Variants in SMYD3 observed in about 807,000 individuals in gnomAD.
SMYD3 encodes the protein histone-lysine N-methyltransferase SMYD3.
SMYD3 carries 36 observed loss-of-function variants against 57.7 expected under a neutral mutation model. That is an observed-to-expected ratio of 0.62 (90% confidence interval 0.48 to 0.82). The LOEUF is 0.82. Ranked by LOEUF, SMYD3 falls within the 40% of genes least tolerant of loss-of-function variation. The pLI is 0.00. For synonymous variants in SMYD3, 211 were observed against 195.0 expected, an observed-to-expected ratio of 1.08 and a Z score of -0.68; for missense variants, 515 against 538.8, an observed-to-expected ratio of 0.96 and a Z score of 0.44.
At chr1:246,214,249 T>G (rs2063130915) in intron 5 of SMYD3, among the ~76,000 whole-genome samples, 1 of 152,020 alleles carries the variant, frequency 6.6e-6, no homozygotes, top group Non-Finnish European at 1.5e-5. Flanking sequence ...CACAAAATGG[T>G]AGGGAGATAA....
intron 5 of SMYD3, among the ~76,000 whole-genome samples, chr1:246,279,835 T>A (rs1196897837): frequency 6.6e-6 from 1 of 152,178 alleles, no homozygotes; most frequent in Non-Finnish European, 1.5e-5. Flanking sequence ...TAAGGCGTCT[T>A]CCAGGTCTAA....
chr1:246,240,764 C>T (rs2063594844), intron 5 of SMYD3, among the ~76,000 whole-genome samples: 1 of 152,242 alleles, frequency 6.6e-6, no homozygotes, highest in South Asian at 2.1e-4. Context: ...TCTTTTATTT[C>T]ATTGAGCAGT....
At chr1:246,232,920 T>A (rs373230942) in intron 5 of SMYD3, among the ~76,000 whole-genome samples, 71 of 122,946 alleles carry the variant, frequency 5.8e-4, no homozygotes, top group Middle Eastern at 4.5e-3. Flanking sequence ...CAATTCACAC[T>A]GTGATGAACA....
chr1:246,304,703 C>A (rs10924681), intron 5 of SMYD3, among the ~76,000 whole-genome samples: 23,367 of 152,120 alleles, frequency 0.15, 2,277 homozygotes, highest in East Asian at 0.42. Flanking sequence ...TTAAAATACA[C>A]CCCCTGCAGC....
At chr1:245,768,460 C>T (rs529010492) in intron 10 of SMYD3, among the ~76,000 whole-genome samples, 1 of 152,344 alleles carries the variant, frequency 6.6e-6, no homozygotes, top group Admixed American at 6.5e-5. Flanking sequence ...GGTTGCTGAT[C>T]TCTATTGGTC....
chr1:246,321,854 TCCTCCCACCTCAG>T (rs1176705379), intron 5 of SMYD3: 3 of 152,510 alleles, frequency 2.0e-5, no homozygotes, highest in Non-Finnish European at 2.9e-5. Context: ...GCTCAAGCAA[TCCTCCCACCTCAG>T]CCTCCCAAGT....
rs141881242 is a variant in SMYD3 at position 246,444,866 on chromosome 1, T to C, written c.164+62188A>G. On this transcript the variant is annotated intron_variant, in intron 1 of 11. Coordinates refer to ENST00000490107, the MANE Select transcript of SMYD3 (RefSeq NM_001167740.2). Reference sequence around the variant, plus strand: ...AAGCAGAATAAAGATAACAAGGCAATGTGGTAAAAGCTTTAGGATACGCAA... The same window carrying C: ...AAGCAGAATAAAGATAACAAGGCAACGTGGTAAAAGCTTTAGGATACGCAA... 2.0e-3 allele frequency among the ~76,000 whole-genome samples: 304 copies of C among 152,264 alleles called. 2 individuals carry two copies. The highest frequency in any genetic ancestry group is 6.7e-3 in the African/African-American group (280 of 41,560).
chr1:245,993,635 C>T (rs4654073), intron 5 of SMYD3, among the ~76,000 whole-genome samples: 4,936 of 113,924 alleles, frequency 0.043, 282 homozygotes, highest in African/African-American at 0.18. Context: ...GATAGATAGA[C>T]AGACAGACAG....
At chr1:245,750,553 T>C (rs2045298809) in intron 11 of SMYD3, among the ~76,000 whole-genome samples, 1 of 152,238 alleles carries the variant, frequency 6.6e-6, no homozygotes, top group Admixed American at 6.5e-5. Flanking sequence ...AAGCCATTCT[T>C]ATGCTGTGTG....
chr1:245,977,325 G>A (rs182427150), intron 5 of SMYD3, among the ~76,000 whole-genome samples: 1 of 152,250 alleles, frequency 6.6e-6, no homozygotes, highest in Non-Finnish European at 1.5e-5. Context: ...TTCTAGCCTT[G>A]CTCCCTCATG....
At chr1:246,038,744 T>C (rs2148287388) in intron 5 of SMYD3, among the ~76,000 whole-genome samples, 1 of 152,310 alleles carries the variant, frequency 6.6e-6, no homozygotes, top group Non-Finnish European at 1.5e-5. Flanking sequence ...TCTCGGGATT[T>C]CCACTTCATA....
intron 5 of SMYD3, among the ~76,000 whole-genome samples, chr1:246,138,430 T>C (rs2061696357): frequency 6.6e-6 from 1 of 151,324 alleles, no homozygotes; most frequent in South Asian, 2.1e-4. Context: ...TATTTATTTA[T>C]TTATTTTTTT....
chr1:246,249,892 T>G (rs1219119434), intron 5 of SMYD3, among the ~76,000 whole-genome samples: 3 of 152,246 alleles, frequency 2.0e-5, no homozygotes, highest in Admixed American at 2.0e-4. Context: ...ATATTAAACT[T>G]TATCTCTTTT....
intron 5 of SMYD3, among the ~76,000 whole-genome samples, chr1:246,175,292 C>A (rs563641997): frequency 6.6e-6 from 1 of 152,066 alleles, no homozygotes; most frequent in Non-Finnish European, 1.5e-5. Context: ...TTTTTACATA[C>A]CTTATTATAA....
At chr1:246,343,397 A>G (rs942022330) in intron 2 of SMYD3, among the ~76,000 whole-genome samples, 2 of 152,220 alleles carry the variant, frequency 1.3e-5, no homozygotes, top group South Asian at 2.1e-4. Flanking sequence ...ACAGCCATCA[A>G]TGGATGAGTG....
intron 5 of SMYD3, among the ~76,000 whole-genome samples, chr1:246,122,065 TA>T (rs60921522): frequency 0.21 from 30,926 of 146,694 alleles, 4,319 homozygotes; most frequent in East Asian, 0.44. Context: ...AAAGACTAAT[TA>T]AAAAAAAAAA....
At position 245,749,491 on chromosome 1, in the gene SMYD3, A is replaced by G; in HGVS notation, c.*72T>C. ...TAGGAGAGGTTCACACAGCTAACAA[A>G]GCATAGAGTGTGTGACCTCAATAAG... On this transcript the variant is annotated 3_prime_UTR_variant, in exon 12 of 12. Coordinates refer to ENST00000490107, the MANE Select transcript of SMYD3 (RefSeq NM_001167740.2). The G allele has an allele frequency of 3.4e-6, 4 of 1,171,316 alleles. No individual in the cohort carries two copies. Among genetic ancestry groups the G allele is most frequent in the Non-Finnish European group, 5.1e-6 (4 of 782,772 alleles). 72.6% of individuals were successfully genotyped at this position (1,171,316 alleles called of 1,614,324 possible).
At chr1:246,458,438 C>CTTTTT (rs35956400) in intron 1 of SMYD3, among the ~76,000 whole-genome samples, 1 of 62,056 alleles carries the variant, frequency 1.6e-5, no homozygotes, top group East Asian at 6.1e-4. Context: ...AAAAGTCATT[C>CTTTTT]TTTTTTTTTT....
At chr1:246,310,007 T>G (rs2065048927) in intron 5 of SMYD3, among the ~76,000 whole-genome samples, 1 of 152,188 alleles carries the variant, frequency 6.6e-6, no homozygotes, top group South Asian at 2.1e-4. Flanking sequence ...AGGTTCATAA[T>G]AGAACCCTGT....
Sources: allele counts gnomAD v4.1 joint callset (sites outside exome capture counted in the v4.1 genomes callset), GRCh38; gene constraint gnomAD v4.1.1; transcripts MANE v1.5; gene names NCBI Gene and HGNC (gene_info 2026-07-23, HGNC 2026-07-21).